Variants in LILRA1 observed in about 807,000 individuals in gnomAD.
LILRA1 encodes the protein leukocyte immunoglobulin like receptor A1.
A neutral mutation model predicts 51.6 loss-of-function variants in LILRA1; 51 were observed. That is an observed-to-expected ratio of 0.99 (90% CI 0.79 to 1.25). LILRA1 has a LOEUF of 1.25. Ranked by LOEUF, LILRA1 falls within the 50% of genes most tolerant of loss-of-function variation. The pLI, the probability that LILRA1 is intolerant of heterozygous loss-of-function variation, is 0.00. For synonymous variants in LILRA1, 305 were observed against 248.4 expected, an observed-to-expected ratio of 1.23 and a Z score of -2.14; for missense variants, 660 against 611.7, an observed-to-expected ratio of 1.08 and a Z score of -0.83.
Position 54,596,451 on chromosome 19 carries a change from G to A in LILRA1, c.1221G>A (p.Leu407=), listed in dbSNP as rs1453705562. 1.2e-6 allele frequency: 2 copies of A among 1,614,130 alleles called. No homozygotes were observed. The highest frequency in any genetic ancestry group is 1.7e-6 in the Non-Finnish European group (2 of 1,180,016). ...CYGSLSSNPY[L]LSHPSDSLEL... is the part of the protein sequence containing the mutation. ...GCTCACTCAGCTCCAACCCCTACCT[G>A]CTGTCTCACCCCAGTGACTCCCTGG... Residue 407 remains leucine, a synonymous_variant, in exon 7 of 10, where the codon CTG becomes CTA. Transcript: ENST00000251372.
Position 54,594,670 on chromosome 19 carries a change from C to CTGTGA in LILRA1, c.77_78insGTGAT (p.Pro27Ter). ...GAACTCTGATTTCCTTCCAGGGACCCTCCCCAAGCCCACACTCTGGGCTGA... is the reference window on the plus strand; with the variant it reads ...GAACTCTGATTTCCTTCCAGGGACCCTGTGATCCCCAAGCCCACACTCTGGGCTGA... On this transcript the variant is annotated stop_gained and frameshift_variant, in exon 4 of 10. Transcript: ENST00000251372. LOFTEE classifies it high-confidence loss of function. The CTGTGA allele has an allele frequency of 6.2e-7, 1 of 1,612,456 alleles. No homozygotes were observed. Among genetic ancestry groups the CTGTGA allele is most frequent in the East Asian group, 2.2e-5 (1 of 44,822 alleles).
At chr19:54,596,537 A>C in intron 7 of LILRA1, 46 bp downstream of exon 7, 1 of 1,611,862 alleles carries the variant, frequency 6.2e-7, no homozygotes, top group Non-Finnish European at 8.5e-7. Context: ...GGATCAGCTC[A>C]GGCCCTGCCC....
At chr19:54,600,156 C>T (rs529979199) in intron 8 of LILRA1, among the ~76,000 whole-genome samples, 8 of 152,236 alleles carry the variant, frequency 5.3e-5, no homozygotes, top group South Asian at 2.1e-4. Flanking sequence ...CCTGGGTCCT[C>T]CGCTGGTGGA....
Position 54,596,595 on chromosome 19 carries a change from C to T in LILRA1, c.1261+104C>T, listed in dbSNP as rs547861907. On this transcript the variant is annotated intron_variant, in intron 7 of 9. Coordinates refer to ENST00000251372, the MANE Select transcript of LILRA1 (RefSeq NM_006863.4). The stretch of plus-strand genomic sequence containing the variant: ...AGAAAAGAGGGGAGTTGGCTGGGCA[C>T]GGTGGCTTACACCTGTAATCCCAGC... 47 of 1,497,818 alleles carry T rather than the reference C, an allele frequency of 3.1e-5. 1 individual carries two copies. The highest frequency in any genetic ancestry group is 9.8e-5 in the South Asian group (8 of 81,292). 92.8% of individuals were successfully genotyped at this position (1,497,818 alleles called of 1,614,324 possible).
intron 7 of LILRA1, among the ~76,000 whole-genome samples, chr19:54,598,604 T>G (rs1005596059): frequency 6.6e-6 from 1 of 152,134 alleles, no homozygotes. Flanking sequence ...GTGCTTTAAA[T>G]TGTTAATTTA....
chr19:54,598,244 A>C (rs1306906435), intron 7 of LILRA1, among the ~76,000 whole-genome samples: 2 of 152,072 alleles, frequency 1.3e-5, no homozygotes, highest in African/African-American at 4.8e-5. Flanking sequence ...TTTTATTTCA[A>C]TTATATGAAC....
At position 54,595,747 on chromosome 19, in the gene LILRA1, T is replaced by G; in HGVS notation, c.770T>G (p.Leu257Arg). The G allele has an allele frequency of 1.2e-6, 2 of 1,614,102 alleles. No homozygotes were observed. The highest frequency in any genetic ancestry group is 1.7e-6 in the Non-Finnish European group (2 of 1,179,980). ...GATGTCAGCTACGACAGATTTGTTC[T>G]GTATAAGGAGGGAGAACGTGACTTC... Reference protein sequence around the residue: ...VSDVSYDRFVLYKEGERDFLQ... With the variant: ...VSDVSYDRFVRYKEGERDFLQ... Residue 257 changes from leucine to arginine, a missense_variant, in exon 6 of 10, where the codon CTG (leucine) becomes CGG (arginine). Physicochemically the swap from Leu to Arg is moderately radical, Grantham distance 102. Coordinates refer to ENST00000251372, the MANE Select transcript of LILRA1 (RefSeq NM_006863.4).
rs752771092 is a variant in LILRA1 at position 54,596,467 on chromosome 19, G to C, written c.1237G>C (p.Asp413His). 3.1e-6 allele frequency: 5 copies of C among 1,614,014 alleles called. No individual in the cohort carries two copies. The highest frequency in any genetic ancestry group is 3.3e-5 in the Admixed American group (2 of 59,994). ...CCCCTACCTGCTGTCTCACCCCAGT[G>C]ACTCCCTGGAGCTCATGGTCTCAGG... Reference protein sequence around the residue: ...SNPYLLSHPSDSLELMVSGAA... With the variant: ...SNPYLLSHPSHSLELMVSGAA... The change falls in exon 7 of 10, where the codon GAC becomes CAC. Residue 413 changes from aspartate (D) to histidine (H), a missense_variant. Physicochemically the swap from Asp to His is moderately conservative, Grantham distance 81. Transcript: ENST00000251372.
Position 54,602,355 on chromosome 19 carries a change from T to C in LILRA1, c.*1538T>C, listed in dbSNP as rs2063175447. ...ATGTTATCATTTGCCATCTACCCTCTAGAATAAAGAAATCTTATTAAGGAC... is the reference window on the plus strand; with the variant it reads ...ATGTTATCATTTGCCATCTACCCTCCAGAATAAAGAAATCTTATTAAGGAC... On this transcript the variant is annotated 3_prime_UTR_variant, in exon 10 of 10. Transcript: ENST00000251372. Among the ~76,000 whole-genome samples the C allele has an allele frequency of 1.3e-5, 2 of 152,174 alleles. 1 individual carries two copies. Among genetic ancestry groups the C allele is most frequent in the South Asian group, 4.1e-4 (2 of 4,832 alleles).
intron 7 of LILRA1, among the ~76,000 whole-genome samples, chr19:54,597,849 G>T (rs1264857476): frequency 6.6e-6 from 1 of 151,738 alleles, no homozygotes; most frequent in African/African-American, 2.4e-5. Flanking sequence ...AACACGTGCT[G>T]TGAATAATTC....
rs75416770 is a variant in LILRA1, at chr19:54,595,231, C to T, written c.490C>T (p.His164Tyr). 1.5e-3 allele frequency: 2,403 copies of T among 1,614,096 alleles called. 49 individuals are homozygous for T. The East Asian group carries it at 0.038, about 26-fold the overall frequency. Residue 164 changes from histidine (H) to tyrosine (Y), a missense_variant, in exon 5 of 10, where the codon CAC becomes TAC. Physicochemically the swap from His to Tyr is moderately conservative, Grantham distance 83 (BLOSUM62 2). Coordinates refer to ENST00000251372, the MANE Select transcript of LILRA1 (RefSeq NM_006863.4). ...TCTGTGTAAGGAAGGAGAAGATGAA[C>T]ACCCACAATGCCTGAACTCACAGCC... is the stretch of plus-strand genomic sequence containing the variant. ...FILCKEGEDE[H>Y]PQCLNSQPRT...
At position 54,593,692 on chromosome 19, in the gene LILRA1, G is replaced by A. The variant is rs533016850; in HGVS notation, c.-138G>A. ...CAACCTGAGCTACACAGCCAGATGC[G>A]AGATGCTTCTCTGCTGATCTGAGTC... On this transcript the variant is annotated 5_prime_UTR_variant, in exon 1 of 10. Transcript: ENST00000251372. The A allele has an allele frequency of 4.1e-6, 2 of 488,754 alleles. No individual in the cohort carries two copies. The highest frequency in any genetic ancestry group is 7.8e-6 in the Non-Finnish European group (2 of 256,938). The allele number at this position is 488,754 out of a possible 1,614,324, so 30.3% of individuals were successfully genotyped here.
intron 8 of LILRA1, among the ~76,000 whole-genome samples, 161 bp from the exon 9 acceptor site, chr19:54,600,351 T>G (rs1197363241): frequency 6.6e-6 from 1 of 152,180 alleles, no homozygotes; most frequent in East Asian, 1.9e-4. Context: ...GCAAGAAATC[T>G]GAAATAATTC....
At position 54,602,051 on chromosome 19, in the gene LILRA1, C is replaced by G. The variant is rs1182820467; in HGVS notation, c.*1234C>G. ...ATAAAGAAATCTTATCATTCACCAT[C>G]TACCCTCTAGAATAAAGAAATCTTA... is the stretch of plus-strand genomic sequence containing the variant. On this transcript the variant is annotated 3_prime_UTR_variant, in exon 10 of 10. Coordinates refer to ENST00000251372, the MANE Select transcript of LILRA1 (RefSeq NM_006863.4). 1.3e-5 allele frequency: 2 copies of G among 152,176 alleles called. No individual in the cohort carries two copies. Among genetic ancestry groups the G allele is most frequent in the Non-Finnish European group, 2.9e-5 (2 of 68,030 alleles). The allele number at this position is 152,176 out of a possible 1,614,324, so 9.4% of individuals were successfully genotyped here.
chr19:54,598,945 G>GTTGTA (rs1568545911), intron 7 of LILRA1, among the ~76,000 whole-genome samples: 9 of 151,858 alleles, frequency 5.9e-5, no homozygotes, highest in African/African-American at 2.2e-4. Context: ...ACAGGCGCCC[G>GTTGTA]CCACCATGCC....
intron 8 of LILRA1, chr19:54,599,538 T>C: frequency 1.7e-6 from 2 of 1,187,198 alleles, no homozygotes; most frequent in East Asian, 5.8e-5. Flanking sequence ...CACTACTAAA[T>C]TGCTCTGTTC....
intron 7 of LILRA1, among the ~76,000 whole-genome samples, chr19:54,597,054 T>C (rs1251600869): frequency 6.6e-6 from 1 of 152,174 alleles, no homozygotes; most frequent in East Asian, 1.9e-4. Context: ...GAGAGTAGAC[T>C]GAGGGTGAAA....
intron 4 of LILRA1, 44 bp downstream of exon 4, chr19:54,594,996 G>C: frequency 6.2e-7 from 1 of 1,609,422 alleles, no homozygotes; most frequent in Non-Finnish European, 8.5e-7. Context: ...TCTGCCCTCA[G>C]GAAGGGAGTC....
At chr19:54,599,821 CGGTA>C (rs2063133108) in intron 8 of LILRA1, 1 of 207,110 alleles carries the variant, frequency 4.8e-6, no homozygotes, top group East Asian at 1.8e-4. Flanking sequence ...ATATTTGATG[CGGTA>C]GGTGTTTACA....
Sources: allele counts gnomAD v4.1 joint callset (sites outside exome capture counted in the v4.1 genomes callset), GRCh38; gene constraint gnomAD v4.1.1; transcripts MANE v1.5; gene names NCBI Gene and HGNC (gene_info 2026-07-23, HGNC 2026-07-21).